DTNA: variants seen among roughly 807,000 people sequenced by gnomAD.
DTNA encodes dystrophin-related protein 3.
In DTNA, 43 loss-of-function variants were observed where a neutral mutation model predicts 100.7. That is an observed-to-expected ratio of 0.43 (90% CI 0.33 to 0.55). The LOEUF is 0.55. DTNA is among the 20% of genes least tolerant of loss of function. The pLI is 0.04. For synonymous variants in DTNA, 349 were observed against 347.9 expected, an observed-to-expected ratio of 1.00 and a Z score of -0.04; for missense variants, 798 against 953.9, an observed-to-expected ratio of 0.84 and a Z score of 2.15.
chr18:34,848,189 ATCTTTT>A (rs1287996390), intron 13 of DTNA, 101 bp from the exon 14 acceptor site: 1 of 1,063,652 alleles, frequency 9.4e-7, no homozygotes. Flanking sequence ...TAGTTTGCAA[ATCTTTT>A]GCACCAAAAC....
In DTNA at chr18:34,890,305, C is replaced by T. The variant is rs779508079; in HGVS notation, c.*2571C>T. ...CCACCTTTTCTCTCTCTTAGCTCCACGTCAGCACTGAGACCAGACTCGAGC... is the reference window on the plus strand; with the variant it reads ...CCACCTTTTCTCTCTCTTAGCTCCATGTCAGCACTGAGACCAGACTCGAGC... On this transcript the variant is annotated 3_prime_UTR_variant, in exon 23 of 23. Transcript: ENST00000444659. The T allele has an allele frequency of 1.6e-4, 246 of 1,535,870 alleles. 1 individual carries two copies. The highest frequency in any genetic ancestry group is 1.5e-3 in the Admixed American group (75 of 50,980).
chr18:34,809,387 G>A (rs1470461730), intron 5 of DTNA, among the ~76,000 whole-genome samples: 2 of 152,112 alleles, frequency 1.3e-5, no homozygotes, highest in Non-Finnish European at 2.9e-5. Context: ...AACCCAGGAG[G>A]CAGAGGTTGC....
intron 1 of DTNA, among the ~76,000 whole-genome samples, chr18:34,527,527 ATTGT>A (rs935809744): frequency 6.6e-6 from 1 of 151,972 alleles, no homozygotes; most frequent in African/African-American, 2.4e-5. Context: ...AGAAGGTGAA[ATTGT>A]TTAAGTGGCA....
intron 1 of DTNA, among the ~76,000 whole-genome samples, chr18:34,655,234 C>G (rs2074200460): frequency 6.6e-6 from 1 of 152,190 alleles, no homozygotes; most frequent in Non-Finnish European, 1.5e-5. Context: ...AAGCCCTTCT[C>G]TGAATCGGTT....
At chr18:34,626,118 A>G (rs1044504757) in intron 1 of DTNA, among the ~76,000 whole-genome samples, 1 of 152,326 alleles carries the variant, frequency 6.6e-6, no homozygotes, top group East Asian at 1.9e-4. Context: ...TGTTTTATAT[A>G]AAGTTCCTCT....
rs148321356 is a variant in DTNA at position 34,832,582 on chromosome 18, T to C, written c.1175+3093T>C. Among the ~76,000 whole-genome samples, 66 of 152,328 alleles carry C rather than the reference T, an allele frequency of 4.3e-4. No individual in the cohort carries two copies. In the East Asian group the frequency reaches 6.9e-3, roughly 16 times the overall value. ...GACTTGATGATACCTGGGTACAATG[T>C]AGTAAATTAAATATGACCTAAGAAT... On this transcript the variant is annotated intron_variant, in intron 11 of 22. Transcript: ENST00000444659.
chr18:34,872,340 C>A (rs2096773403), intron 17 of DTNA, among the ~76,000 whole-genome samples: 1 of 152,160 alleles, frequency 6.6e-6, no homozygotes, highest in African/African-American at 2.4e-5. Flanking sequence ...GAGCCCCCAG[C>A]ACCCTGGAGA....
intron 1 of DTNA, among the ~76,000 whole-genome samples, chr18:34,494,652 C>T (rs939889471): frequency 6.6e-6 from 1 of 151,794 alleles, no homozygotes; most frequent in African/African-American, 2.4e-5. Context: ...TAGAACTTGG[C>T]CGTGAGGGGC....
chr18:34,747,776 C>G (rs1193683633), intron 1 of DTNA, among the ~76,000 whole-genome samples: 2 of 152,138 alleles, frequency 1.3e-5, no homozygotes, highest in African/African-American at 4.8e-5. Context: ...TTTATCTTTG[C>G]AATTGCAAAT....
intron 1 of DTNA, among the ~76,000 whole-genome samples, chr18:34,557,341 A>G (rs1270066703): frequency 6.7e-6 from 1 of 148,508 alleles, no homozygotes; most frequent in Non-Finnish European, 1.5e-5. Flanking sequence ...GAGTAATTTG[A>G]TCGTCTGAAG....
intron 9 of DTNA, among the ~76,000 whole-genome samples, chr18:34,824,403 G>C (rs2095803040): frequency 6.6e-6 from 1 of 152,014 alleles, no homozygotes; most frequent in South Asian, 2.1e-4. Flanking sequence ...GTGAACCAGG[G>C]AGGCGGAGGT....
At chr18:34,629,966 T>C (rs761547463) in intron 1 of DTNA, among the ~76,000 whole-genome samples, 2 of 152,218 alleles carry the variant, frequency 1.3e-5, no homozygotes, top group African/African-American at 4.8e-5. Context: ...TCTCATGCTC[T>C]GTGTCGTAGG....
At chr18:34,869,231 A>G (rs1393922777) in intron 17 of DTNA, among the ~76,000 whole-genome samples, 1 of 152,218 alleles carries the variant, frequency 6.6e-6, no homozygotes, top group East Asian at 1.9e-4. Flanking sequence ...AGCTATAAGT[A>G]TGAATGTATG....
At chr18:34,630,706 C>G (rs1284227575) in intron 1 of DTNA, among the ~76,000 whole-genome samples, 1 of 152,004 alleles carries the variant, frequency 6.6e-6, no homozygotes, top group African/African-American at 2.4e-5. Context: ...GAGGCTGACT[C>G]CAAAGTGGCT....
At chr18:34,734,440 C>A (rs1313823479) in intron 1 of DTNA, among the ~76,000 whole-genome samples, 1 of 152,190 alleles carries the variant, frequency 6.6e-6, no homozygotes, top group Non-Finnish European at 1.5e-5. Flanking sequence ...GGGTCCCATT[C>A]TTTTCCAATC....
At position 34,871,141 on chromosome 18, in the gene DTNA, G is replaced by A. The variant is rs9946222; in HGVS notation, c.1744-4098G>A. On this transcript the variant is annotated intron_variant, in intron 17 of 22. Transcript: ENST00000444659. ...CAGACTCTTCAGGTCTAGCGGGGAG[G>A]GGGATATATAATTCTCTGCTGTTTC... Among the ~76,000 whole-genome samples, 1,069 of 152,254 alleles carry A rather than the reference G, an allele frequency of 7.0e-3. 16 individuals are homozygous for A. Among genetic ancestry groups the A allele is most frequent in the African/African-American group, 0.025 (1,020 of 41,526 alleles).
chr18:34,645,010 A>G (rs912556875), intron 1 of DTNA, among the ~76,000 whole-genome samples: 2 of 152,236 alleles, frequency 1.3e-5, no homozygotes, highest in South Asian at 2.1e-4. Flanking sequence ...TTGTAAGGTA[A>G]CGACAAACTG....
Position 34,860,041 on chromosome 18 carries a change from TTTTGTTTG to T in DTNA, c.1646+1660_1646+1667del, listed in dbSNP as rs368883033. Among the ~76,000 whole-genome samples the T allele has an allele frequency of 2.8e-3, 428 of 151,748 alleles. 5 individuals are homozygous for T. The highest frequency in any genetic ancestry group is 1.0e-2 in the African/African-American group (412 of 41,286). On this transcript the variant is annotated intron_variant, in intron 16 of 22. Transcript: ENST00000444659. ...AAGTATTACATTCTTTTCTTTTTGT[TTTTGTTTG>T]TTTGTTTGTTTGTTTGAGATGGAGT...
At chr18:34,710,089 T>C (rs1181615701), upstream of DTNA, among the ~76,000 whole-genome samples, 2 of 152,230 alleles carry the variant, frequency 1.3e-5, no homozygotes, top group Non-Finnish European at 2.9e-5. Flanking sequence ...GTTATTTTTT[T>C]CTTGTTCATG....
Sources: allele counts gnomAD v4.1 joint callset (sites outside exome capture counted in the v4.1 genomes callset), GRCh38; gene constraint gnomAD v4.1.1; transcripts MANE v1.5; gene names NCBI Gene and HGNC (gene_info 2026-07-23, HGNC 2026-07-21).